The following STRN3 variants were observed in gnomAD, a reference collection of about 807,000 sequenced individuals.
STRN3 encodes striatin 3.
Under a neutral mutation model 95.6 loss-of-function variants are expected in STRN3, and 29 were observed. The observed-to-expected ratio is 0.30, with a 90% CI of 0.23 to 0.41. STRN3 has a LOEUF of 0.41. Ranked by LOEUF, STRN3 falls within the 10% of genes least tolerant of loss-of-function variation. STRN3 has a pLI of 1.00. For missense variants in STRN3, 890 were observed against 972.1 expected (o/e 0.92, Z 1.12); for synonymous variants, 331 against 357.6 (o/e 0.93, Z 0.84).
chr14:30,902,379 A>G (rs1198260767), intron 16 of STRN3, among the ~76,000 whole-genome samples, 157 bp downstream of exon 16: 1 of 152,136 alleles, frequency 6.6e-6, no homozygotes, highest in East Asian at 1.9e-4. Context: ...ATAACAAATC[A>G]TAAGCGTGCA....
At chr14:30,957,466 A>AAAAG (rs1555320668) in intron 1 of STRN3, among the ~76,000 whole-genome samples, 1 of 2,588 alleles carries the variant, frequency 3.9e-4, no homozygotes, top group Admixed American at 5.4e-3. Flanking sequence ...AAAAAAAAAA[A>AAAAG]AAAGAGAGAG....
chr14:30,906,869 T>A lies in STRN3; in HGVS notation c.1888+8A>T. The A allele has an allele frequency of 6.3e-7, 1 of 1,595,546 alleles. No homozygotes were observed. On this transcript the variant is annotated splice_region_variant and intron_variant, in intron 14 of 17. Coordinates refer to ENST00000357479, the MANE Select transcript of STRN3 (RefSeq NM_001083893.2). ...CTAACTTTTCTCACAGATGCAAAAT[T>A]TACTTACTTTTATCTCCATTGTAAG...
chr14:30,954,527 G>C (rs1879808422), intron 3 of STRN3, among the ~76,000 whole-genome samples: 1 of 151,936 alleles, frequency 6.6e-6, no homozygotes, highest in Admixed American at 6.6e-5. Context: ...CCATCCCTTT[G>C]TTTGGTTTTC....
intron 7 of STRN3, among the ~76,000 whole-genome samples, chr14:30,933,301 A>AAC (rs1301007474): frequency 1.3e-5 from 2 of 150,752 alleles, no homozygotes; most frequent in East Asian, 3.9e-4. Context: ...AAAAAAAAAA[A>AAC]AAAACGATGC....
At chr14:30,905,301 CTAAT>C (rs1896432391) in intron 15 of STRN3, 113 bp downstream of exon 15, 2 of 1,052,730 alleles carry the variant, frequency 1.9e-6, no homozygotes, top group East Asian at 3.0e-5. Flanking sequence ...CATTATGAAA[CTAAT>C]TATTTTGCCA....
intron 6 of STRN3, among the ~76,000 whole-genome samples, chr14:30,936,230 G>A (rs1474397001): frequency 6.6e-6 from 1 of 152,158 alleles, no homozygotes; most frequent in Non-Finnish European, 1.5e-5. Flanking sequence ...TAGCAGAAGT[G>A]GAAAGGGCAT....
chr14:30,916,592 A>G (rs1896746269), intron 9 of STRN3, among the ~76,000 whole-genome samples: 1 of 151,976 alleles, frequency 6.6e-6, no homozygotes, highest in South Asian at 2.1e-4. Context: ...AGTAGTTTTA[A>G]TATCTTCTTT....
At chr14:30,902,206 AAATG>A (rs1896340591) in intron 16 of STRN3, among the ~76,000 whole-genome samples, 1 of 119,162 alleles carries the variant, frequency 8.4e-6, no homozygotes, top group South Asian at 2.5e-4. Context: ...AAAAAAAAAA[AAATG>A]GAAATGCCAA....
chr14:30,946,998 G>T, intron 5 of STRN3, 92 bp downstream of exon 5: 121 of 687,212 alleles, frequency 1.8e-4, no homozygotes, highest in Non-Finnish European at 2.3e-4. Context: ...AAAAAAAAAA[G>T]TTCTTAATGG....
rs1382808248 is a variant in STRN3, at chr14:30,948,091, T to C, written c.543-828A>G. Reference sequence around the variant, plus strand: ...AAAAATAAGCAAGATACAATCTCTTTGACATGATGCACAAATGTATGTGGA... The same window carrying C: ...AAAAATAAGCAAGATACAATCTCTTCGACATGATGCACAAATGTATGTGGA... On this transcript the variant is annotated intron_variant, in intron 4 of 17. Coordinates refer to ENST00000357479, the MANE Select transcript of STRN3 (RefSeq NM_001083893.2). Among the ~76,000 whole-genome samples, 4 of 152,158 alleles carry C rather than the reference T, an allele frequency of 2.6e-5. No individual in the cohort carries two copies. The East Asian group carries it at 5.8e-4, about 22-fold the overall frequency.
At position 30,894,888 on chromosome 14, in the gene STRN3, T is replaced by C; in HGVS notation, c.*523A>G. 1.1e-6 allele frequency: 1 copy of C among 895,014 alleles called. No individual in the cohort carries two copies. Among genetic ancestry groups the C allele is most frequent in the Non-Finnish European group, 1.4e-6 (1 of 704,950 alleles). 55.4% of individuals were successfully genotyped at this position (895,014 alleles called of 1,614,324 possible). On this transcript the variant is annotated 3_prime_UTR_variant, in exon 18 of 18. Coordinates refer to ENST00000357479, the MANE Select transcript of STRN3 (RefSeq NM_001083893.2). ...CTAAAATATTTTAAGTTAAATTTTC[T>C]TTTTCTTTTTTTTTTTTTTTAAAGC...
At position 30,936,894 on chromosome 14, in the gene STRN3, C is replaced by T. The variant is rs979927436; in HGVS notation, c.717-270G>A. On this transcript the variant is annotated intron_variant, in intron 5 of 17. Coordinates refer to ENST00000357479, the MANE Select transcript of STRN3 (RefSeq NM_001083893.2). ...CAAAATAAAATCCTATAGTATTAGACACTCAAACACATATTATTAGTTCTC... is the reference window on the plus strand; with the variant it reads ...CAAAATAAAATCCTATAGTATTAGATACTCAAACACATATTATTAGTTCTC... Among the ~76,000 whole-genome samples the T allele has an allele frequency of 2.0e-5, 3 of 152,304 alleles. No homozygotes were observed. In the East Asian group the frequency reaches 5.8e-4, roughly 29 times the overall value.
intron 1 of STRN3, among the ~76,000 whole-genome samples, chr14:31,012,490 C>G (rs1379525121): frequency 6.6e-6 from 1 of 152,210 alleles, no homozygotes; most frequent in Non-Finnish European, 1.5e-5. Context: ...TAAGAAAGAA[C>G]ACAGCTACAA....
At chr14:31,018,940 T>C (rs908271704) in intron 1 of STRN3, 1 of 247,240 alleles carries the variant, frequency 4.0e-6, no homozygotes, top group Non-Finnish European at 7.9e-6. Flanking sequence ...CTGGCCAATA[T>C]GGTGAAACCC....
chr14:30,992,226 C>T (rs1474618295), intron 1 of STRN3, among the ~76,000 whole-genome samples: 4 of 151,784 alleles, frequency 2.6e-5, no homozygotes, highest in Non-Finnish European at 4.4e-5. Context: ...GCCTGGCCAA[C>T]ATGGCAAAAC....
At chr14:30,978,152 AC>A (rs1287389841) in intron 1 of STRN3, among the ~76,000 whole-genome samples, 5 of 152,230 alleles carry the variant, frequency 3.3e-5, no homozygotes, top group Admixed American at 3.3e-4. Context: ...TTACTAATTC[AC>A]GTGATGAAGC....
intron 7 of STRN3, among the ~76,000 whole-genome samples, chr14:30,933,222 A>G (rs1039605984): frequency 8.8e-5 from 13 of 147,858 alleles, no homozygotes; most frequent in Admixed American, 6.2e-4. Flanking sequence ...AAGGTCACAG[A>G]CAGCCAAGAT....
intron 5 of STRN3, among the ~76,000 whole-genome samples, chr14:30,943,673 A>G (rs757355040): frequency 6.6e-6 from 1 of 152,222 alleles, no homozygotes; most frequent in Non-Finnish European, 1.5e-5. Context: ...AAAATGCAGT[A>G]TATGCATACA....
intron 1 of STRN3, among the ~76,000 whole-genome samples, chr14:30,974,791 G>A (rs1038127787): frequency 2.0e-4 from 29 of 144,032 alleles, no homozygotes; most frequent in Admixed American, 3.5e-4. Flanking sequence ...GGGTGACGGA[G>A]TAAGACTGTC....
Sources: gnomAD v4.1 joint callset for allele counts (sites outside exome capture counted in the v4.1 genomes callset) on GRCh38, gnomAD v4.1.1 for gene constraint, MANE v1.5 for transcripts, NCBI Gene and HGNC (gene_info 2026-07-23, HGNC 2026-07-21) for gene names.